The following DOCK8 variants were observed in gnomAD, a reference collection of about 807,000 sequenced individuals.
DOCK8 encodes the protein dedicator of cytokinesis protein 8.
A neutral mutation model predicts 245.6 loss-of-function variants in DOCK8; 141 were observed. The observed-to-expected ratio is 0.57, with a 90% CI of 0.50 to 0.66. DOCK8 has a LOEUF of 0.66. DOCK8 is among the 30% of genes least tolerant of loss of function. DOCK8 has a pLI of 0.00. For synonymous variants in DOCK8, 1,168 were observed against 970.2 expected, an observed-to-expected ratio of 1.20 and a Z score of -3.79; for missense variants, 2,965 against 2,603.4, an observed-to-expected ratio of 1.14 and a Z score of -3.02.
At chr9:270,933 C>T (rs992843265) in intron 1 of DOCK8, among the ~76,000 whole-genome samples, 1 of 152,208 alleles carries the variant, frequency 6.6e-6, no homozygotes, top group South Asian at 2.1e-4. Context: ...CAGAAGTCAA[C>T]CTTTTTGTAA....
chr9:221,714 C>G (rs2046886591), intron 1 of DOCK8, among the ~76,000 whole-genome samples: 1 of 150,608 alleles, frequency 6.6e-6, no homozygotes. Flanking sequence ...CCCAGCTACT[C>G]AGGAGGTTGA....
At chr9:301,601 T>C (rs2049548243) in intron 4 of DOCK8, among the ~76,000 whole-genome samples, 1 of 152,342 alleles carries the variant, frequency 6.6e-6, no homozygotes, top group South Asian at 2.1e-4. Flanking sequence ...CAGAAAACAC[T>C]GCAGACCCTG....
At position 463,647 on chromosome 9, in the gene DOCK8, G is replaced by C; in HGVS notation, c.6199G>C (p.Glu2067Gln). The change falls in exon 47 of 48, where the codon GAA (glutamate) becomes CAA (glutamine). Residue 2067 changes from glutamate to glutamine, a missense_variant. This residue lies in a region of DOCK8 where 134 missense variants were observed against 128.1 expected (regional missense o/e 1.05). Coordinates refer to ENST00000432829, the MANE Select transcript of DOCK8 (RefSeq NM_203447.4). ...LRPMIERKIP[E>Q]LYKPIFRVES... ...GCCAATGATCGAGCGGAAAATTCCA[G>C]AACTGTACAAGCCAATATTCAGAGT... The C allele has an allele frequency of 6.2e-7, 1 of 1,613,612 alleles. No individual in the cohort carries two copies. Among genetic ancestry groups the C allele is most frequent in the Non-Finnish European group, 8.5e-7 (1 of 1,179,974 alleles).
chr9:320,073 C>T (rs564751180), intron 7 of DOCK8, among the ~76,000 whole-genome samples: 37 of 152,368 alleles, frequency 2.4e-4, no homozygotes, highest in Non-Finnish European at 4.3e-4. Context: ...ATGCTAGATT[C>T]TGGGGACTAC....
chr9:446,123 G>A (rs374222899), intron 43 of DOCK8, among the ~76,000 whole-genome samples: 28 of 152,226 alleles, frequency 1.8e-4, no homozygotes, highest in African/African-American at 6.0e-4. Flanking sequence ...GCTCTGCTAG[G>A]AAGGTGCGGC....
At chr9:304,531 C>T (rs372695131) in intron 4 of DOCK8, 50 bp from the exon 5 acceptor site, 2 of 1,611,458 alleles carry the variant, frequency 1.2e-6, no homozygotes, top group South Asian at 1.1e-5. Flanking sequence ...TAATGGTTTG[C>T]CGCTCTCTCT....
intron 24 of DOCK8, 83 bp downstream of exon 24, chr9:390,649 A>T: frequency 2.2e-6 from 3 of 1,347,122 alleles, no homozygotes; most frequent in Non-Finnish European, 1.1e-6. Flanking sequence ...TTGTTCACTG[A>T]GTTGCCCCTG....
upstream of DOCK8, chr9:214,384 G>T: frequency 1.2e-6 from 1 of 817,558 alleles, no homozygotes; most frequent in Non-Finnish European, 1.9e-6. Context: ...TAGTGTCTCA[G>T]GAAGGATGAT....
At chr9:299,338 C>G (rs1436029944) in intron 4 of DOCK8, among the ~76,000 whole-genome samples, 4 of 152,170 alleles carry the variant, frequency 2.6e-5, no homozygotes, top group Non-Finnish European at 5.9e-5. Context: ...GAATTTCTCT[C>G]AAATAACTGT....
At chr9:325,775 A>G (rs778993159) in intron 8 of DOCK8, 38 bp downstream of exon 8, 4 of 1,534,126 alleles carry the variant, frequency 2.6e-6, no homozygotes, top group Admixed American at 1.7e-5. Flanking sequence ...TAAGGCACAT[A>G]TATTGTTCAT....
rs10970562 is a variant in DOCK8, at chr9:328,488, G to A, written c.1044+317G>A. ...AGTGGAGATAATCACACTGACCTCA[G>A]TGGATAGTCATGACTACAGAATAAA... is the stretch of plus-strand genomic sequence containing the variant. On this transcript the variant is annotated intron_variant, in intron 9 of 47. Coordinates refer to ENST00000432829, the MANE Select transcript of DOCK8 (RefSeq NM_203447.4). Among the ~76,000 whole-genome samples the A allele has an allele frequency of 0.028, 4,269 of 152,274 alleles. 65 individuals are homozygous for A. Among genetic ancestry groups the A allele is most frequent in the Middle Eastern group, 0.061 (18 of 294 alleles).
Position 398,365 on chromosome 9 carries a change from C to A in DOCK8, c.3121-781C>A, listed in dbSNP as rs186162386. Among the ~76,000 whole-genome samples, 6 of 152,218 alleles carry A rather than the reference C, an allele frequency of 3.9e-5. No homozygotes were observed. The East Asian group carries it at 1.2e-3, about 29-fold the overall frequency. ...CAGTGACTTGACTGGTCAGCATGGC[C>A]TGAATTTGCAAATTGCATGTTAACA... On this transcript the variant is annotated intron_variant, in intron 25 of 47. Transcript: ENST00000432829.
intron 22 of DOCK8, 106 bp from the exon 23 acceptor site, chr9:386,224 GA>G (rs1040790682): frequency 8.7e-5 from 82 of 937,608 alleles, no homozygotes; most frequent in African/African-American, 2.6e-4. Flanking sequence ...TTGTAACCAG[GA>G]AAAAAAATAT....
At chr9:460,143 C>T (rs1171614398) in intron 46 of DOCK8, 2 of 67,494 alleles carry the variant, frequency 3.0e-5, no homozygotes, top group African/African-American at 6.9e-5. Flanking sequence ...TTATTATCCC[C>T]ATTTTCCAGA....
In DOCK8 at chr9:382,674, A is replaced by T; in HGVS notation, c.2767A>T (p.Met923Leu). The T allele has an allele frequency of 1.2e-6, 2 of 1,614,118 alleles. No individual in the cohort carries two copies. Among genetic ancestry groups the T allele is most frequent in the Non-Finnish European group, 1.7e-6 (2 of 1,179,996 alleles). Residue 923 changes from methionine to leucine, a missense_variant, in exon 22 of 48, where the codon ATG (methionine) becomes TTG (leucine). This residue lies in a region of DOCK8 where 2,825 missense variants were observed against 2,453.5 expected (regional missense o/e 1.15). Coordinates refer to ENST00000432829, the MANE Select transcript of DOCK8 (RefSeq NM_203447.4). ...AGCAGACGAGGAAGTGAAGAACATCATGTCTTCAAAGGTAGGAAAGATGTC... is the reference window on the plus strand; with the variant it reads ...AGCAGACGAGGAAGTGAAGAACATCTTGTCTTCAAAGGTAGGAAAGATGTC... ...SAADEEVKNI[M>L]SSKIADRNCS...
At chr9:450,651 A>G (rs1217852691) in intron 45 of DOCK8, among the ~76,000 whole-genome samples, 1 of 152,132 alleles carries the variant, frequency 6.6e-6, no homozygotes, top group Non-Finnish European at 1.5e-5. Flanking sequence ...ATTTCCCCAC[A>G]AAAGTTCTGA....
chr9:261,352 C>T (rs1370979281), intron 1 of DOCK8, among the ~76,000 whole-genome samples: 1 of 152,134 alleles, frequency 6.6e-6, no homozygotes, highest in Non-Finnish European at 1.5e-5. Context: ...AGCCCAGGCA[C>T]ATAAATGGAA....
intron 29 of DOCK8, among the ~76,000 whole-genome samples, chr9:417,079 G>C (rs1419088365): frequency 6.6e-6 from 1 of 152,190 alleles, no homozygotes; most frequent in Non-Finnish European, 1.5e-5. Context: ...CAGATCACTT[G>C]AGGCCAGGGG....
intron 6 of DOCK8, among the ~76,000 whole-genome samples, chr9:316,283 T>G (rs1032138859): frequency 6.6e-6 from 1 of 152,140 alleles, no homozygotes; most frequent in African/African-American, 2.4e-5. Flanking sequence ...TGGGAATTAC[T>G]GTTTTCAAGG....
Sources: allele counts gnomAD v4.1 joint callset (sites outside exome capture counted in the v4.1 genomes callset), GRCh38; gene constraint gnomAD v4.1.1; regional missense constraint gnomAD v4.1.1; transcripts MANE v1.5; gene names NCBI Gene and HGNC (gene_info 2026-07-23, HGNC 2026-07-21).